IPO8: variants seen among roughly 807,000 people sequenced by gnomAD.
The protein encoded by IPO8 is importin 8.
Under a neutral mutation model 141.2 loss-of-function variants are expected in IPO8, and 65 were observed. The observed-to-expected ratio is 0.46, with a 90% CI of 0.38 to 0.57. IPO8 has a LOEUF of 0.57. IPO8 is among the 20% of genes least tolerant of loss of function. The pLI, the probability that IPO8 is intolerant of heterozygous loss-of-function variation, is 0.00. For missense variants in IPO8, 980 were observed against 1,246.8 expected (o/e 0.79, Z 3.22); for synonymous variants, 411 against 420.3 (o/e 0.98, Z 0.27).
intron 5 of IPO8, among the ~76,000 whole-genome samples, 154 bp from the exon 6 acceptor site, chr12:30,676,741 C>T (rs2053125741): frequency 6.6e-6 from 1 of 152,150 alleles, no homozygotes; most frequent in Admixed American, 6.5e-5. Flanking sequence ...AAAACAGATT[C>T]ATACGACCAT....
chr12:30,639,005 C>T (rs2052541658), intron 21 of IPO8, among the ~76,000 whole-genome samples: 1 of 152,254 alleles, frequency 6.6e-6, no homozygotes, highest in South Asian at 2.1e-4. Context: ...AGGAAGAGTG[C>T]TTCACATAAA....
At chr12:30,652,036 CCCAAAGAT>C (rs1472248172) in intron 19 of IPO8, among the ~76,000 whole-genome samples, 148 bp downstream of exon 19, 2 of 151,948 alleles carry the variant, frequency 1.3e-5, no homozygotes, top group Non-Finnish European at 2.9e-5. Context: ...ACTTTCAAAT[CCCAAAGAT>C]CCTTTTGAAA....
chr12:30,695,484 G>A lies in IPO8; in HGVS notation c.84+80C>T. The A allele has an allele frequency of 4.7e-6, 6 of 1,274,550 alleles. No individual in the cohort carries two copies. Among genetic ancestry groups the A allele is most frequent in the Non-Finnish European group, 5.7e-6 (5 of 881,964 alleles). 79.0% of individuals were successfully genotyped at this position (1,274,550 alleles called of 1,614,324 possible). ...CAGCCCGGTGGGGGTGAGGACGAGG[G>A]GCGCCGGGGAGAGGGAGCCCGGCCA... On this transcript the variant is annotated intron_variant, in intron 1 of 24. Coordinates refer to ENST00000256079, the MANE Select transcript of IPO8 (RefSeq NM_006390.4). This position sits in a 1 kb window ranked among gnomAD's most constrained non-coding sequence, Gnocchi z 4.2.
intron 2 of IPO8, among the ~76,000 whole-genome samples, chr12:30,689,153 G>A (rs979138631): frequency 1.3e-5 from 2 of 152,012 alleles, no homozygotes; most frequent in African/African-American, 2.4e-5. Context: ...GGAGAGCCAC[G>A]CATCAAAGCT....
At chr12:30,689,116 A>G (rs1226240225) in intron 2 of IPO8, among the ~76,000 whole-genome samples, 1 of 152,104 alleles carries the variant, frequency 6.6e-6, no homozygotes, top group Non-Finnish European at 1.5e-5. Flanking sequence ...ACTGTAAAAT[A>G]GCATGTGTAA....
intron 15 of IPO8, 104 bp downstream of exon 15, chr12:30,662,223 A>C (rs2118780): frequency 1.2e-6 from 1 of 847,728 alleles, no homozygotes; most frequent in Middle Eastern, 2.3e-4. Context: ...AATGTTGTTA[A>C]GCAGCACATG....
At position 30,677,038 on chromosome 12, in the gene IPO8, T is replaced by C. The variant is rs928958698; in HGVS notation, c.640-451A>G. The C allele has an allele frequency of 6.2e-5, 95 of 1,525,480 alleles. 1 individual carries two copies. Among genetic ancestry groups the C allele is most frequent in the Non-Finnish European group, 8.2e-5 (94 of 1,140,528 alleles). 94.5% of individuals were successfully genotyped at this position (1,525,480 alleles called of 1,614,324 possible). On this transcript the variant is annotated intron_variant, in intron 5 of 24. Transcript: ENST00000256079. Reference sequence around the variant, plus strand: ...GTCCACTTTGTACTAAACAGATATATGGCTCACCTCTGCTGTACTGTGAGT... The same window carrying C: ...GTCCACTTTGTACTAAACAGATATACGGCTCACCTCTGCTGTACTGTGAGT...
At chr12:30,634,314 A>G in intron 22 of IPO8, 28 bp from the exon 23 acceptor site, 1 of 1,567,528 alleles carries the variant, frequency 6.4e-7, no homozygotes, top group Non-Finnish European at 8.8e-7. Flanking sequence ...ATTTAAAAGG[A>G]ATCAAAACAC....
Position 30,652,292 on chromosome 12 carries a change from GA to G in IPO8, c.2075-4del, listed in dbSNP as rs3217462. ...ATTATGCAGGAGAGGCATCATGTCT[GA>G]AAAAAAATCAAAATCCCAATGAGAC... On this transcript the variant is annotated splice_region_variant and splice_polypyrimidine_tract_variant and intron_variant, in intron 18 of 24. Coordinates refer to ENST00000256079, the MANE Select transcript of IPO8 (RefSeq NM_006390.4). 1.0e-2 allele frequency: 15,527 copies of G among 1,556,132 alleles called. 294 individuals carry two copies. Among genetic ancestry groups the G allele is most frequent in the East Asian group, 0.094 (4,170 of 44,366 alleles).
chr12:30,645,570 C>CA (rs2052633976), intron 20 of IPO8, among the ~76,000 whole-genome samples: 1 of 151,612 alleles, frequency 6.6e-6, no homozygotes, highest in African/African-American at 2.4e-5. Context: ...AAATAGAGAA[C>CA]AAAACCAAAA....
intron 20 of IPO8, among the ~76,000 whole-genome samples, chr12:30,648,501 T>A (rs1325746233): frequency 6.6e-6 from 1 of 152,140 alleles, no homozygotes; most frequent in East Asian, 1.9e-4. Flanking sequence ...TTGAATACAC[T>A]AAAAACCATG....
At chr12:30,652,731 G>A (rs1267846879) in intron 18 of IPO8, among the ~76,000 whole-genome samples, 1 of 151,942 alleles carries the variant, frequency 6.6e-6, no homozygotes, top group Non-Finnish European at 1.5e-5. Flanking sequence ...TTAATATATG[G>A]ATATATGCTC....
chr12:30,637,216 A>C (rs1471685215), intron 21 of IPO8, 29 bp from the exon 22 acceptor site: 3 of 1,524,206 alleles, frequency 2.0e-6, no homozygotes, highest in African/African-American at 1.4e-5. Flanking sequence ...AAAAAAATGT[A>C]GACATGAGAA....
chr12:30,663,735 A>T, intron 13 of IPO8, 81 bp from the exon 14 acceptor site: 1 of 1,071,266 alleles, frequency 9.3e-7, no homozygotes, highest in Non-Finnish European at 1.3e-6. Context: ...AGAACTTCTT[A>T]GTAAAATATC....
Position 30,631,952 on chromosome 12 carries a change from G to A in IPO8, c.2959C>T (p.Gln987Ter). 6.2e-7 allele frequency: 1 copy of A among 1,613,100 alleles called. No individual in the cohort carries two copies. The highest frequency in any genetic ancestry group is 8.5e-7 in the Non-Finnish European group (1 of 1,179,970). The change falls in exon 24 of 25, where the codon CAG (glutamine) becomes TAG (stop). Residue 987 changes from glutamine to a stop codon, truncating the protein, a stop_gained. Transcript: ENST00000256079. LOFTEE classifies it high-confidence loss of function. ...TACACCTCCTGCAGTGCTGTCCTCT[G>A]ATCCTCGCTGAGTGGTGCCATCAGC... ...QLLMAPLSED[Q>*]RTALQEVYTL...
intron 8 of IPO8, 143 bp downstream of exon 8, chr12:30,673,847 C>A: frequency 2.0e-6 from 1 of 503,840 alleles, no homozygotes; most frequent in Non-Finnish European, 3.5e-6. Context: ...ACTAATTGCA[C>A]TGTAATACAT....
At chr12:30,689,863 A>G (rs1042733070) in intron 2 of IPO8, among the ~76,000 whole-genome samples, 16 of 152,170 alleles carry the variant, frequency 1.1e-4, no homozygotes, top group African/African-American at 3.6e-4. Context: ...TTAATTAGCT[A>G]TTGTCGTTTA....
chr12:30,662,863 C>G (rs2052908332), intron 14 of IPO8, among the ~76,000 whole-genome samples: 1 of 152,180 alleles, frequency 6.6e-6, no homozygotes, highest in Admixed American at 6.5e-5. Context: ...ATCCCGAATA[C>G]TGATGGGGCC....
At chr12:30,631,844 C>T (rs757317152) in intron 24 of IPO8, 51 bp downstream of exon 24, 128 of 1,224,392 alleles carry the variant, frequency 1.0e-4, no homozygotes, top group Non-Finnish European at 1.3e-4. Flanking sequence ...ATAAGGCTGT[C>T]TGTTGGCACT....
Sources: allele counts gnomAD v4.1 joint callset (sites outside exome capture counted in the v4.1 genomes callset), GRCh38; gene constraint gnomAD v4.1.1; non-coding constraint Gnocchi (gnomAD v3.1); transcripts MANE v1.5; gene names NCBI Gene and HGNC (gene_info 2026-07-23, HGNC 2026-07-21).